TRPM5: variants seen among roughly 807,000 people sequenced by gnomAD.
The protein encoded by TRPM5 is MLSN1 and TRP-related.
In TRPM5, 121 loss-of-function variants were observed where a neutral mutation model predicts 124.9. The observed-to-expected ratio is 0.97, with a 90% CI of 0.84 to 1.13. The LOEUF (loss-of-function observed/expected upper bound fraction) is 1.13, where lower values mean the gene tolerates loss of function less well. TRPM5 is among the 50% of genes most tolerant of loss of function. TRPM5 has a pLI of 0.00. For missense variants in TRPM5, 1,643 were observed against 1,589.1 expected (o/e 1.03, Z -0.58); for synonymous variants, 781 against 700.5 (o/e 1.11, Z -1.81).
chr11:2,433,257 G>C, the TRPM5 span, among the ~76,000 whole-genome samples: 2 of 152,262 alleles, frequency 1.3e-5, no homozygotes, highest in African/African-American at 4.8e-5. Flanking sequence ...CCTCTCCCCT[G>C]CTGTCCTGTC....
At chr11:2,438,261 C>T in the TRPM5 span, among the ~76,000 whole-genome samples, 1 of 152,164 alleles carries the variant, frequency 6.6e-6, no homozygotes, top group Non-Finnish European at 1.5e-5. This position sits in a 1 kb window ranked among gnomAD's most constrained non-coding sequence, Gnocchi z 5.9. Flanking sequence ...CAAAAGCATT[C>T]CCCTTAAGAA....
At position 2,417,874 on chromosome 11, in the gene TRPM5, C is replaced by A. The variant is rs761631504; in HGVS notation, c.907-45G>T. ...CCCCATGGGGCCGCCTCAGCCAGGA[C>A]GGGGGCAGAGGCAGGCCGTGGTAGA... On this transcript the variant is annotated intron_variant, in intron 6 of 23. Coordinates refer to ENST00000155858, the Ensembl canonical transcript of TRPM5. The A allele has an allele frequency of 3.3e-6, 5 of 1,518,622 alleles. No individual in the cohort carries two copies. In the African/African-American group the frequency reaches 5.5e-5, roughly 17 times the overall value. The allele number at this position is 1,518,622 out of a possible 1,614,324, so 94.1% of individuals were successfully genotyped here.
At chr11:2,406,932 C>T (rs1355413654) in intron 20 of TRPM5, 139 bp from the exon 26 acceptor site, 2 of 1,393,060 alleles carry the variant, frequency 1.4e-6, no homozygotes, top group African/African-American at 2.9e-5. Context: ...AAGCATGGCC[C>T]TGTGCAAGGA....
At chr11:2,404,082 C>T (rs1165674881), downstream of TRPM5, among the ~76,000 whole-genome samples, 1 of 152,188 alleles carries the variant, frequency 6.6e-6, no homozygotes, top group African/African-American at 2.4e-5. Context: ...AGTGAGTGCC[C>T]TCAATGGGCC....
chr11:2,421,934 G>A (rs75145856), intron 2 of TRPM5, among the ~76,000 whole-genome samples: 5,578 of 151,960 alleles, frequency 0.037, 294 homozygotes, highest in African/African-American at 0.12. Context: ...TGAGAGTTTC[G>A]GGAAATGTTC....
At chr11:2,408,050 AG>A (rs765392018) in intron 18 of TRPM5, 138 bp from the exon 24 acceptor site, 680 of 1,157,812 alleles carry the variant, frequency 5.9e-4, no homozygotes, top group Non-Finnish European at 7.5e-4. Context: ...CCACTGTCCC[AG>A]TTCACCCAGG....
chr11:2,412,731 C>T (rs1850477007), intron 15 of TRPM5, 23 bp downstream of exon 20: 2 of 1,566,888 alleles, frequency 1.3e-6, no homozygotes, highest in African/African-American at 1.4e-5. Context: ...GTGGAGGGGA[C>T]CTAGGCTAGT....
exon 7 of TRPM5, chr11:2,417,757 C>T: frequency 7.4e-7 from 1 of 1,350,302 alleles, no homozygotes; most frequent in Non-Finnish European, 9.9e-7. Context: ...ATGACCGTGT[C>T]CAGCTCCTCG....
chr11:2,406,457 G>A (rs1013346352), intron 21 of TRPM5, among the ~76,000 whole-genome samples: 13 of 152,146 alleles, frequency 8.5e-5, no homozygotes, highest in Admixed American at 2.0e-4. Context: ...CACTGTGCAC[G>A]CTCCCTTTTT....
At chr11:2,405,071 G>T (rs755415501) in intron 23 of TRPM5, 28 bp from the exon 29 acceptor site, 2 of 1,593,658 alleles carry the variant, frequency 1.3e-6, no homozygotes, top group Non-Finnish European at 1.7e-6. Context: ...CCCCCTGAGC[G>T]GTGGGAACCA....
At chr11:2,418,720 G>T in intron 4 of TRPM5, 129 bp from the exon 10 acceptor site, 2 of 913,930 alleles carry the variant, frequency 2.2e-6, no homozygotes, top group Non-Finnish European at 3.3e-6. Context: ...GGCTTCGTCT[G>T]GGCCACGTGA....
chr11:2,419,622 C>CTAAAAAAA (rs1845737191), intron 4 of TRPM5, among the ~76,000 whole-genome samples: 1 of 126,920 alleles, frequency 7.9e-6, no homozygotes, highest in African/African-American at 2.8e-5. Flanking sequence ...GATTCTGCCT[C>CTAAAAAAA]AAAAAAAAAA....
At chr11:2,444,385 T>C in the TRPM5 span, among the ~76,000 whole-genome samples, 1 of 150,524 alleles carries the variant, frequency 6.6e-6, no homozygotes, top group Admixed American at 6.6e-5. Flanking sequence ...CCGCCCCTCC[T>C]GCCCCCGCTG....
the TRPM5 span, among the ~76,000 whole-genome samples, chr11:2,434,047 G>A: frequency 9.3e-5 from 14 of 150,968 alleles, no homozygotes; most frequent in Admixed American, 9.2e-4. Context: ...GTGTGTGGAC[G>A]CAGTGTGCGC....
chr11:2,412,728 G>A, intron 15 of TRPM5, 26 bp downstream of exon 20: 1 of 1,556,256 alleles, frequency 6.4e-7, no homozygotes, highest in Non-Finnish European at 8.7e-7. Flanking sequence ...AGAGTGGAGG[G>A]GACCTAGGCT....
At chr11:2,404,695 C>T (rs765309750) in exon 24 of TRPM5, 16 of 528,410 alleles carry the variant, frequency 3.0e-5, no homozygotes, top group East Asian at 6.5e-5. Context: ...GTTTTCTGCC[C>T]GGGGAGTTGT....
At chr11:2,417,163 A>T (rs1845699122) in intron 7 of TRPM5, among the ~76,000 whole-genome samples, 1 of 152,158 alleles carries the variant, frequency 6.6e-6, no homozygotes, top group Non-Finnish European at 1.5e-5. Flanking sequence ...ACTAAAAACC[A>T]CTGAATTGGC....
chr11:2,418,949 G>T (rs1845728815), intron 4 of TRPM5, among the ~76,000 whole-genome samples: 1 of 152,218 alleles, frequency 6.6e-6, no homozygotes, highest in Non-Finnish European at 1.5e-5. Context: ...CATCGAGGGA[G>T]CTCTGCTGGG....
chr11:2,430,051 C>T, the TRPM5 span, among the ~76,000 whole-genome samples: 1 of 151,764 alleles, frequency 6.6e-6, no homozygotes, highest in Non-Finnish European at 1.5e-5. Context: ...TCCTGGACAC[C>T]CAAAAAAACT....
Sources: allele counts gnomAD v4.1 joint callset (sites outside exome capture counted in the v4.1 genomes callset), GRCh38; gene constraint gnomAD v4.1.1; non-coding constraint Gnocchi (gnomAD v3.1); transcripts MANE v1.5; gene names NCBI Gene and HGNC (gene_info 2026-07-23, HGNC 2026-07-21).